The following KCNQ3 variants were observed in gnomAD, a reference collection of about 807,000 sequenced individuals.
KCNQ3 encodes the protein potassium voltage-gated channel subfamily Q member 3, also known as potassium voltage-gated channel subfamily KQT member 3.
In KCNQ3, 30 loss-of-function variants were observed where a neutral mutation model predicts 92.5. The observed-to-expected ratio is 0.32, with a 90% CI of 0.24 to 0.44. The LOEUF is 0.44. Among genes scored for constraint, KCNQ3 ranks in the 20% least tolerant of loss-of-function variants. The probability of loss-of-function intolerance (pLI) is 1.00; values close to 1 mark genes in which losing one functional copy is unlikely to be tolerated. For missense variants in KCNQ3, 913 were observed against 1,140.3 expected (o/e 0.80, Z 2.87); for synonymous variants, 450 against 468.8 (o/e 0.96, Z 0.52).
chr8:132,282,860 C>A (rs1047043949), intron 1 of KCNQ3, among the ~76,000 whole-genome samples: 2 of 152,178 alleles, frequency 1.3e-5, no homozygotes, highest in African/African-American at 4.8e-5. Flanking sequence ...GGCCCAATGA[C>A]CACTAGGGTG....
At chr8:132,263,119 C>T (rs1244967370) in intron 1 of KCNQ3, among the ~76,000 whole-genome samples, 2 of 151,958 alleles carry the variant, frequency 1.3e-5, no homozygotes, top group South Asian at 2.1e-4. Flanking sequence ...ATTAAGCTGG[C>T]GTCACACACT....
chr8:132,184,489 C>A, intron 2 of KCNQ3, 122 bp from the exon 3 acceptor site: 3 of 1,105,870 alleles, frequency 2.7e-6, no homozygotes, highest in Non-Finnish European at 4.0e-6. Flanking sequence ...GTCTGGTTGG[C>A]AGGGATGGCT....
intron 1 of KCNQ3, among the ~76,000 whole-genome samples, chr8:132,457,561 C>T (rs1194653356): frequency 6.6e-6 from 1 of 152,184 alleles, no homozygotes; most frequent in Non-Finnish European, 1.5e-5. Context: ...CTCCCTTCTG[C>T]CTTCACCCCT....
At chr8:132,138,108 A>C (rs905390638) in intron 11 of KCNQ3, 92 bp from the exon 12 acceptor site, 7 of 1,432,662 alleles carry the variant, frequency 4.9e-6, no homozygotes, top group Non-Finnish European at 6.8e-6. Flanking sequence ...CAGGGGGAGA[A>C]AAGAACCAAA....
intron 1 of KCNQ3, among the ~76,000 whole-genome samples, chr8:132,439,706 G>C (rs1821486041): frequency 6.6e-6 from 1 of 152,124 alleles, no homozygotes; most frequent in Non-Finnish European, 1.5e-5. Context: ...ATGAGCTGAG[G>C]AATGCAGGTA....
intron 1 of KCNQ3, among the ~76,000 whole-genome samples, chr8:132,332,391 A>T (rs1436349858): frequency 7.2e-5 from 11 of 152,230 alleles, no homozygotes; most frequent in Admixed American, 6.5e-4. Flanking sequence ...ATTAGGCATT[A>T]TTCTCCTGCA....
At chr8:132,252,587 T>C in intron 1 of KCNQ3, among the ~76,000 whole-genome samples, 1 of 152,204 alleles carries the variant, frequency 6.6e-6, no homozygotes, top group East Asian at 1.9e-4. Context: ...CAGTTGCTGC[T>C]GCTGGATTGG....
chr8:132,271,168 T>A (rs1275969768), intron 1 of KCNQ3, among the ~76,000 whole-genome samples: 1 of 152,256 alleles, frequency 6.6e-6, no homozygotes, highest in Non-Finnish European at 1.5e-5. Flanking sequence ...CTTGGGAGTC[T>A]GGGCATCGCA....
At position 132,404,383 on chromosome 8, in the gene KCNQ3, T is replaced by G. The variant is rs76897591; in HGVS notation, c.386+75764A>C. Among the ~76,000 whole-genome samples the G allele has an allele frequency of 7.5e-4, 115 of 152,342 alleles. No individual in the cohort carries two copies. In the East Asian group the frequency reaches 0.014, roughly 18 times the overall value. ...ACTTAATCAAACATTAAGTATTTCCTGTAAGGCTAATTTATAGAGGTGATT... is the reference window on the plus strand; with the variant it reads ...ACTTAATCAAACATTAAGTATTTCCGGTAAGGCTAATTTATAGAGGTGATT... On this transcript the variant is annotated intron_variant, in intron 1 of 14. Coordinates refer to ENST00000388996, the MANE Select transcript of KCNQ3 (RefSeq NM_004519.4).
intron 1 of KCNQ3, among the ~76,000 whole-genome samples, chr8:132,411,024 G>T (rs1586996172): frequency 6.6e-6 from 1 of 152,224 alleles, no homozygotes; most frequent in Admixed American, 6.5e-5. Flanking sequence ...TAAAGCTGCA[G>T]GTGATGCTGT....
At chr8:132,278,084 C>T in intron 1 of KCNQ3, 1 of 985,320 alleles carries the variant, frequency 1.0e-6, no homozygotes, top group African/African-American at 1.7e-5. Context: ...TCTGTCCATC[C>T]TCAAAGACCA....
chr8:132,302,287 T>C (rs1311334322), intron 1 of KCNQ3, among the ~76,000 whole-genome samples: 1 of 152,164 alleles, frequency 6.6e-6, no homozygotes, highest in African/African-American at 2.4e-5. Context: ...CACTAGATAT[T>C]TTACACTCGA....
chr8:132,186,240 T>A, intron 1 of KCNQ3, 59 bp from the exon 2 acceptor site: 1 of 1,247,530 alleles, frequency 8.0e-7, no homozygotes, highest in Non-Finnish European at 1.2e-6. Flanking sequence ...GCTTTGAGGC[T>A]AAGATGGGGA....
intron 9 of KCNQ3, among the ~76,000 whole-genome samples, chr8:132,154,191 AAG>A (rs200507473): frequency 6.0e-4 from 9 of 15,074 alleles, no homozygotes; most frequent in African/African-American, 2.8e-3. Flanking sequence ...AAAAGGGTAA[AAG>A]TTTTTTTTTT....
chr8:132,448,383 T>TAA, intron 1 of KCNQ3, among the ~76,000 whole-genome samples: 1 of 91,262 alleles, frequency 1.1e-5, no homozygotes, highest in African/African-American at 4.9e-5. Flanking sequence ...GATGGGTTTC[T>TAA]GCTACCAGCC....
At chr8:132,399,537 T>C (rs954548366) in intron 1 of KCNQ3, among the ~76,000 whole-genome samples, 1 of 151,950 alleles carries the variant, frequency 6.6e-6, no homozygotes, top group African/African-American at 2.4e-5. Flanking sequence ...TGGAAGAAAA[T>C]AAACCCTATG....
chr8:132,294,831 G>A (rs973726794), intron 1 of KCNQ3, among the ~76,000 whole-genome samples: 1 of 152,062 alleles, frequency 6.6e-6, no homozygotes, highest in Non-Finnish European at 1.5e-5. Context: ...AAGTTATTGG[G>A]CATTTGGCAT....
At chr8:132,452,987 T>G (rs906513373) in intron 1 of KCNQ3, among the ~76,000 whole-genome samples, 30 of 146,716 alleles carry the variant, frequency 2.0e-4, no homozygotes, top group African/African-American at 6.4e-4. Flanking sequence ...GACAGGGTGC[T>G]TGGAAGGATA....
At chr8:132,356,548 C>T (rs1819023044) in intron 1 of KCNQ3, among the ~76,000 whole-genome samples, 1 of 152,170 alleles carries the variant, frequency 6.6e-6, no homozygotes, top group African/African-American at 2.4e-5. Context: ...ATAACACACA[C>T]TCTAGTCTTG....
Sources: allele counts gnomAD v4.1 joint callset (sites outside exome capture counted in the v4.1 genomes callset), GRCh38; gene constraint gnomAD v4.1.1; transcripts MANE v1.5; gene names NCBI Gene and HGNC (gene_info 2026-07-23, HGNC 2026-07-21).